Variants in TTC7B observed in about 807,000 individuals in gnomAD.
TTC7B encodes the protein tetratricopeptide repeat protein 7B.
Under a neutral mutation model 106.8 loss-of-function variants are expected in TTC7B, and 28 were observed. The ratio of observed to expected loss-of-function variants is 0.26; its 90% CI spans 0.19 to 0.36. The LOEUF (loss-of-function observed/expected upper bound fraction) is 0.36. TTC7B is among the 10% of genes least tolerant of loss of function. The pLI, the probability that TTC7B is intolerant of heterozygous loss-of-function variation, is 1.00. For synonymous variants in TTC7B, 405 were observed against 430.6 expected (o/e 0.94, Z 0.74); for missense variants, 862 against 1,076.4 (o/e 0.80, Z 2.79).
At chr14:90,656,549 C>T (rs1410455054) in intron 11 of TTC7B, among the ~76,000 whole-genome samples, 2 of 152,158 alleles carry the variant, frequency 1.3e-5, no homozygotes, top group Non-Finnish European at 2.9e-5. Context: ...AACATATGAG[C>T]TGAAATATAG....
chr14:90,549,381 C>T (rs1294577), intron 19 of TTC7B, among the ~76,000 whole-genome samples: 45,217 of 152,166 alleles, frequency 0.3, 7,876 homozygotes, highest in Admixed American at 0.41. Context: ...ATACAGCCTC[C>T]TCGTGGTGGG....
Position 90,744,818 on chromosome 14 carries a change from G to T in TTC7B, c.550C>A (p.Leu184Ile). The T allele has an allele frequency of 6.2e-7, 1 of 1,614,108 alleles. No individual in the cohort carries two copies. The highest frequency in any genetic ancestry group is 8.5e-7 in the Non-Finnish European group (1 of 1,180,004). ...CTTTCTATCTCTTGGAGATACAGGA[G>T]TGCGATGTCCCCTGCTTTCTCATAA... is the stretch of plus-strand genomic sequence containing the variant. Reference protein sequence around the residue: ...TCYEKAGDIALLYLQEIERVI... With the variant: ...TCYEKAGDIAILYLQEIERVI... The change falls in exon 4 of 20, where the codon CTC becomes ATC. Residue 184 changes from leucine (L) to isoleucine (I), a missense_variant. Leu to Ile is a conservative substitution (Grantham distance 5). Transcript: ENST00000328459.
intron 15 of TTC7B, among the ~76,000 whole-genome samples, chr14:90,635,109 G>T (rs575433934): frequency 6.6e-6 from 1 of 152,280 alleles, no homozygotes; most frequent in Admixed American, 6.5e-5. Context: ...TTTGAGCCTA[G>T]AATTGTACAT....
At chr14:90,620,811 T>G (rs1260142845) in intron 15 of TTC7B, among the ~76,000 whole-genome samples, 1 of 152,248 alleles carries the variant, frequency 6.6e-6, no homozygotes, top group African/African-American at 2.4e-5. Context: ...GCAAGCCTTC[T>G]TGGCTGGAAA....
chr14:90,687,646 C>A (rs1887298840), intron 7 of TTC7B, among the ~76,000 whole-genome samples: 2 of 152,146 alleles, frequency 1.3e-5, no homozygotes, highest in South Asian at 4.1e-4. Context: ...CCCAAACCTG[C>A]TTCACAATGA....
intron 5 of TTC7B, among the ~76,000 whole-genome samples, chr14:90,716,537 T>C (rs1265440055): frequency 1.3e-5 from 2 of 152,216 alleles, no homozygotes; most frequent in Non-Finnish European, 2.9e-5. Flanking sequence ...CCCCAGAGCT[T>C]ACCCAGCAGG....
At chr14:90,635,015 A>G (rs779676171) in intron 15 of TTC7B, among the ~76,000 whole-genome samples, 3 of 152,198 alleles carry the variant, frequency 2.0e-5, no homozygotes, top group Non-Finnish European at 4.4e-5. Flanking sequence ...GTAAACAAAT[A>G]GTTGACTTCT....
chr14:90,553,190 G>A (rs576576687), intron 19 of TTC7B, among the ~76,000 whole-genome samples: 1 of 152,220 alleles, frequency 6.6e-6, no homozygotes, highest in South Asian at 2.1e-4. Flanking sequence ...AGCCCCAGGT[G>A]CAGCACCTCT....
Position 90,575,031 on chromosome 14 carries a change from G to GGCAA in TTC7B, c.2310+3071_2310+3074dup, listed in dbSNP as rs769247488. 5.3e-5 allele frequency among the ~76,000 whole-genome samples: 8 copies of GGCAA among 152,182 alleles called. No individual in the cohort carries two copies. Among genetic ancestry groups the GGCAA allele is most frequent in the Non-Finnish European group, 1.0e-4 (7 of 68,034 alleles). Reference sequence around the variant, plus strand: ...CCCTCGCCGCTCTCCCTGTGTGCCAGGCAACTGTCAACGCTCAGCTCTGTT... The same window carrying GGCAA: ...CCCTCGCCGCTCTCCCTGTGTGCCAGGCAAGCAACTGTCAACGCTCAGCTCTGTT... On this transcript the variant is annotated intron_variant, in intron 19 of 19. Transcript: ENST00000328459. This position sits in a 1 kb window ranked among gnomAD's most constrained non-coding sequence, Gnocchi z 5.2.
At chr14:90,592,756 G>A (rs528418358) in intron 18 of TTC7B, among the ~76,000 whole-genome samples, 1 of 151,756 alleles carries the variant, frequency 6.6e-6, no homozygotes, top group Admixed American at 6.6e-5. Context: ...GGGCTTTTTA[G>A]TGGTGCAGAA....
intron 3 of TTC7B, among the ~76,000 whole-genome samples, chr14:90,766,314 A>G (rs551823696): frequency 6.6e-6 from 1 of 152,152 alleles, no homozygotes; most frequent in African/African-American, 2.4e-5. Flanking sequence ...GTATATATCA[A>G]CTGAAACTGT....
At chr14:90,762,698 T>C (rs1202253538) in intron 3 of TTC7B, among the ~76,000 whole-genome samples, 1 of 152,218 alleles carries the variant, frequency 6.6e-6, no homozygotes, top group East Asian at 1.9e-4. Context: ...AAAGTATTGC[T>C]GTAGAACAGA....
At chr14:90,549,464 T>C (rs1889981879) in intron 19 of TTC7B, among the ~76,000 whole-genome samples, 1 of 152,236 alleles carries the variant, frequency 6.6e-6, no homozygotes, top group Non-Finnish European at 1.5e-5. Context: ...TTTGGGAAGA[T>C]GACAGTGCTG....
rs1451233561 is a variant in TTC7B at position 90,633,644 on chromosome 14, T to C, written c.1751+10404A>G. On this transcript the variant is annotated intron_variant, in intron 15 of 19. Coordinates refer to ENST00000328459, the MANE Select transcript of TTC7B (RefSeq NM_001010854.2). ...CTCGACCAACAGTGCCTCATTGCCA[T>C]TGGGAGAGACAATTATGTACTCCAA... Among the ~76,000 whole-genome samples, 7 of 152,342 alleles carry C rather than the reference T, an allele frequency of 4.6e-5. No homozygotes were observed. The East Asian group carries it at 5.8e-4, about 13-fold the overall frequency.
chr14:90,631,533 C>T (rs372078756), intron 15 of TTC7B, among the ~76,000 whole-genome samples: 1 of 151,814 alleles, frequency 6.6e-6, no homozygotes, highest in African/African-American at 2.4e-5. Flanking sequence ...CTTAGCCACC[C>T]GAGAAGCTGA....
chr14:90,737,757 C>T (rs1889599299), intron 4 of TTC7B, among the ~76,000 whole-genome samples: 2 of 152,142 alleles, frequency 1.3e-5, no homozygotes, highest in Non-Finnish European at 2.9e-5. Flanking sequence ...CGGGGTTTCA[C>T]CATATTGGCC....
chr14:90,589,407 T>A (rs930563306), intron 18 of TTC7B, among the ~76,000 whole-genome samples: 4 of 152,196 alleles, frequency 2.6e-5, no homozygotes, highest in Admixed American at 1.3e-4. Flanking sequence ...CCTATGCACA[T>A]CCTCCTGTGT....
intron 7 of TTC7B, among the ~76,000 whole-genome samples, chr14:90,682,522 CTT>C (rs1467467000): frequency 6.6e-6 from 1 of 152,222 alleles, no homozygotes; most frequent in Non-Finnish European, 1.5e-5. Context: ...TTCCTTCCCT[CTT>C]GTTTGCTCAG....
chr14:90,766,621 C>G, intron 3 of TTC7B: 1 of 988,856 alleles, frequency 1.0e-6, no homozygotes, highest in Admixed American at 1.7e-5. Flanking sequence ...CTTTACCATC[C>G]CTGCCATTAA....
Sources: allele counts gnomAD v4.1 joint callset (sites outside exome capture counted in the v4.1 genomes callset), GRCh38; gene constraint gnomAD v4.1.1; non-coding constraint Gnocchi (gnomAD v3.1); transcripts MANE v1.5; gene names NCBI Gene and HGNC (gene_info 2026-07-23, HGNC 2026-07-21).